Variants in CACNA2D3 observed in about 807,000 individuals in gnomAD.
The protein encoded by CACNA2D3 is voltage-dependent calcium channel subunit alpha-2/delta-3.
A neutral mutation model predicts 160.6 loss-of-function variants in CACNA2D3; 60 were observed. That is an observed-to-expected ratio of 0.37 (90% CI 0.30 to 0.46). The LOEUF (loss-of-function observed/expected upper bound fraction) is 0.46, where lower values mean the gene tolerates loss of function less well. Among genes scored for constraint, CACNA2D3 ranks in the 20% least tolerant of loss-of-function variants. The pLI is 1.00. For synonymous variants in CACNA2D3, 558 were observed against 492.9 expected, an observed-to-expected ratio of 1.13 and a Z score of -1.75; for missense variants, 1,205 against 1,365.0, an observed-to-expected ratio of 0.88 and a Z score of 1.85.
intron 21 of CACNA2D3, among the ~76,000 whole-genome samples, chr3:54,883,724 C>T (rs1350102060): frequency 2.0e-5 from 3 of 151,180 alleles, no homozygotes; most frequent in Admixed American, 1.3e-4. Flanking sequence ...TTCCTGCCAC[C>T]TACATGACTC....
intron 2 of CACNA2D3, among the ~76,000 whole-genome samples, chr3:54,142,456 T>C (rs970373763): frequency 1.3e-5 from 2 of 152,210 alleles, no homozygotes; most frequent in Non-Finnish European, 2.9e-5. Context: ...TACCTCACTT[T>C]GTTCATTATA....
rs180813196 is a variant in CACNA2D3, at chr3:54,349,947, A to G, written c.321+29389A>G. 4.6e-5 allele frequency among the ~76,000 whole-genome samples: 7 copies of G among 152,318 alleles called. No homozygotes were observed. The East Asian group carries it at 1.4e-3, about 29-fold the overall frequency. On this transcript the variant is annotated intron_variant, in intron 3 of 37. Transcript: ENST00000474759. ...TCTCTTTAACACATTCCTTGGACAG[A>G]GGGCCCATTGGTTCAGACTTTGGTC...
At chr3:54,670,139 C>T (rs897696888) in intron 11 of CACNA2D3, among the ~76,000 whole-genome samples, 2 of 152,184 alleles carry the variant, frequency 1.3e-5, no homozygotes, top group African/African-American at 4.8e-5. Flanking sequence ...CAAGGCTTCA[C>T]AGTTCTGTGC....
At chr3:54,289,636 C>G (rs1217541926) in intron 2 of CACNA2D3, among the ~76,000 whole-genome samples, 1 of 152,230 alleles carries the variant, frequency 6.6e-6, no homozygotes, top group African/African-American at 2.4e-5. Context: ...CTGGAAGCAT[C>G]ACGCTACCTG....
chr3:54,220,638 G>T (rs916273127), intron 2 of CACNA2D3, among the ~76,000 whole-genome samples: 2 of 152,154 alleles, frequency 1.3e-5, no homozygotes, highest in Non-Finnish European at 2.9e-5. Flanking sequence ...TCTGCATGAG[G>T]CCCTTCCTCT....
At chr3:54,728,262 C>T (rs926922411) in intron 11 of CACNA2D3, among the ~76,000 whole-genome samples, 1 of 151,878 alleles carries the variant, frequency 6.6e-6, no homozygotes, top group Non-Finnish European at 1.5e-5. Context: ...TTTGCTTCTT[C>T]TTTGTTGTCT....
At chr3:54,350,388 A>G (rs990785814) in intron 3 of CACNA2D3, among the ~76,000 whole-genome samples, 4 of 152,020 alleles carry the variant, frequency 2.6e-5, no homozygotes, top group South Asian at 2.1e-4. Flanking sequence ...TTTAGGTTCT[A>G]TGCCAGGTCC....
chr3:54,755,348 A>G (rs1701950679), intron 12 of CACNA2D3, among the ~76,000 whole-genome samples: 1 of 152,096 alleles, frequency 6.6e-6, no homozygotes. Flanking sequence ...AAGTTCTCCA[A>G]GAATAGGTGA....
intron 20 of CACNA2D3, 61 bp from the exon 21 acceptor site, chr3:54,880,735 C>A: frequency 7.5e-7 from 1 of 1,336,740 alleles, no homozygotes; most frequent in Non-Finnish European, 1.1e-6. Flanking sequence ...AAAATGTTAG[C>A]CCACAAGTCT....
intron 3 of CACNA2D3, among the ~76,000 whole-genome samples, chr3:54,323,834 C>T (rs796889642): frequency 3.9e-5 from 6 of 152,064 alleles, no homozygotes; most frequent in East Asian, 1.9e-4. Context: ...CACTCTGATG[C>T]GCCACACCTA....
At chr3:54,258,477 A>T (rs1422808147) in intron 2 of CACNA2D3, among the ~76,000 whole-genome samples, 2 of 152,222 alleles carry the variant, frequency 1.3e-5, no homozygotes, top group Non-Finnish European at 2.9e-5. Flanking sequence ...ATGGCAGAGG[A>T]TGGCAACCTT....
chr3:54,828,395 G>A (rs1487944680), intron 14 of CACNA2D3, among the ~76,000 whole-genome samples: 2 of 152,158 alleles, frequency 1.3e-5, no homozygotes, highest in East Asian at 1.9e-4. Context: ...TTCCAAGACA[G>A]CTTTCAGATA....
chr3:54,774,948 CT>C (rs548901760), intron 13 of CACNA2D3, among the ~76,000 whole-genome samples: 8 of 152,216 alleles, frequency 5.3e-5, no homozygotes, highest in Admixed American at 1.3e-4. Flanking sequence ...TTCCTTGACT[CT>C]TATTGGCTTA....
chr3:54,191,289 G>A (rs1318062504), intron 2 of CACNA2D3, among the ~76,000 whole-genome samples: 1 of 152,162 alleles, frequency 6.6e-6, no homozygotes, highest in Non-Finnish European at 1.5e-5. Flanking sequence ...GTAATCTTCA[G>A]TGGTTTTTTG....
chr3:55,027,425 A>C (rs916210527), intron 35 of CACNA2D3, among the ~76,000 whole-genome samples: 1 of 152,148 alleles, frequency 6.6e-6, no homozygotes, highest in Non-Finnish European at 1.5e-5. Context: ...TAAGGAGGAA[A>C]ATAATGTTAT....
At position 54,912,085 on chromosome 3, in the gene CACNA2D3, G is replaced by T. The variant is rs549594201; in HGVS notation, c.2449+12217G>T. Among the ~76,000 whole-genome samples, 9 of 152,288 alleles carry T rather than the reference G, an allele frequency of 5.9e-5. No homozygotes were observed. The South Asian group carries it at 1.2e-3, about 21-fold the overall frequency. On this transcript the variant is annotated intron_variant, in intron 27 of 37. Transcript: ENST00000474759. ...ACCGTCACTCATGAGATCATTAGCA[G>T]GATTCAGTTAGCTCCTTGTGGTTTG...
chr3:55,040,494 A>G (rs931765456), intron 35 of CACNA2D3, among the ~76,000 whole-genome samples: 1 of 152,184 alleles, frequency 6.6e-6, no homozygotes, highest in Non-Finnish European at 1.5e-5. Flanking sequence ...CTAAATCACA[A>G]GATGGAAATA....
At chr3:54,329,544 A>G (rs1704199031) in intron 3 of CACNA2D3, among the ~76,000 whole-genome samples, 2 of 152,328 alleles carry the variant, frequency 1.3e-5, no homozygotes, top group South Asian at 2.1e-4. Context: ...ATGTGGCACC[A>G]AGATGTTTGT....
chr3:54,972,825 CA>C, intron 29 of CACNA2D3, among the ~76,000 whole-genome samples: 1 of 152,288 alleles, frequency 6.6e-6, no homozygotes, highest in East Asian at 1.9e-4. Flanking sequence ...CCATTTCACC[CA>C]GGGTGAATGT....
Sources: allele counts gnomAD v4.1 joint callset (sites outside exome capture counted in the v4.1 genomes callset), GRCh38; gene constraint gnomAD v4.1.1; transcripts MANE v1.5; gene names NCBI Gene and HGNC (gene_info 2026-07-23, HGNC 2026-07-21).